Variants in HMCN1 observed in about 807,000 individuals in gnomAD.
The protein encoded by HMCN1 is hemicentin 1.
HMCN1 carries 321 observed loss-of-function variants against 625.9 expected under a neutral mutation model. That is an observed-to-expected ratio of 0.51 (90% CI 0.47 to 0.56). The LOEUF (loss-of-function observed/expected upper bound fraction) is 0.56, where lower values mean the gene tolerates loss of function less well. Among genes scored for constraint, HMCN1 ranks in the 20% least tolerant of loss-of-function variants. HMCN1 has a pLI of 0.00. For missense variants in HMCN1, 6,588 were observed against 6,887.3 expected (o/e 0.96, Z 1.54); for synonymous variants, 2,425 against 2,417.6 (o/e 1.00, Z -0.09).
rs1311548491 is a variant in HMCN1, at chr1:186,007,246, G to A, written c.4594G>A (p.Gly1532Ser). The change falls in exon 30 of 107, where the codon GGC becomes AGC. Residue 1532 changes from glycine to serine, a missense_variant. Around this residue, in one of 3 missense-constraint regions of HMCN1, gnomAD observed 4,628 missense variants for 4,853.1 expected, o/e 0.95. Transcript: ENST00000271588. ...RYQCTVSNAA[G>S]KQAKDIKLTI... Reference sequence around the variant, plus strand: ...CCAATGTACTGTGTCTAATGCAGCTGGCAAACAAGCCAAGGATATAAAACT... The same window carrying A: ...CCAATGTACTGTGTCTAATGCAGCTAGCAAACAAGCCAAGGATATAAAACT... 6 of 1,613,726 alleles carry A rather than the reference G, an allele frequency of 3.7e-6. No homozygotes were observed. The highest frequency in any genetic ancestry group is 5.1e-6 in the Non-Finnish European group (6 of 1,179,758).
At position 185,993,192 on chromosome 1, in the gene HMCN1, C is replaced by T. The variant is rs1351931704; in HGVS notation, c.3388C>T (p.Leu1130Phe). 4 of 1,612,230 alleles carry T rather than the reference C, an allele frequency of 2.5e-6. No homozygotes were observed. Among genetic ancestry groups the T allele is most frequent in the East Asian group, 4.5e-5 (2 of 44,816 alleles). Residue 1130 changes from leucine (L) to phenylalanine (F), a missense_variant, in exon 23 of 107, where the codon CTC (leucine) becomes TTC (phenylalanine). Around this residue, in one of 3 missense-constraint regions of HMCN1, gnomAD observed 4,628 missense variants for 4,853.1 expected, o/e 0.95. Coordinates refer to ENST00000271588, the MANE Select transcript of HMCN1 (RefSeq NM_031935.3). ...GTTTCTTTCTTTTAGACACACATTC[C>T]TCCCTTCTGGTTCAATGAAGATCAC... ...ISPFSPRHTF[L>F]PSGSMKITET...
At chr1:186,165,196 G>A in intron 98 of HMCN1, 23 bp downstream of exon 98, 2 of 1,600,870 alleles carry the variant, frequency 1.2e-6, no homozygotes, top group South Asian at 2.2e-5. Flanking sequence ...ATAAATAAAG[G>A]GTTTTCTTTT....
At chr1:185,852,448 A>G (rs1201190958) in intron 2 of HMCN1, among the ~76,000 whole-genome samples, 1 of 151,982 alleles carries the variant, frequency 6.6e-6, no homozygotes, top group African/African-American at 2.4e-5. Flanking sequence ...CATCATGGAC[A>G]TAGATATAAT....
At chr1:186,151,584 AT>A in intron 94 of HMCN1, 21 bp from the exon 95 acceptor site, 1 of 1,606,776 alleles carries the variant, frequency 6.2e-7, no homozygotes, top group Non-Finnish European at 8.5e-7. Flanking sequence ...CTATCACCTT[AT>A]TTATCCTTTT....
chr1:185,884,023 AC>A (rs985429272), intron 4 of HMCN1, among the ~76,000 whole-genome samples: 29 of 150,784 alleles, frequency 1.9e-4, no homozygotes, highest in African/African-American at 7.1e-4. Flanking sequence ...GGAGTGGGTT[AC>A]TTGTAGATTT....
chr1:186,112,835 A>G lies in HMCN1; in HGVS notation c.11013A>G (p.Leu3671=). Residue 3671 remains leucine, a synonymous_variant, in exon 72 of 107, where the codon CTA becomes CTG. Coordinates refer to ENST00000271588, the MANE Select transcript of HMCN1 (RefSeq NM_031935.3). ...AGGCAACACCTCGAGTGCGAATCCT[A>G]TCTGGAGGGAGATACTTGCAAATCA... ...RLQATPRVRI[L]SGGRYLQINN... 1 of 1,614,172 alleles carries G rather than the reference A, an allele frequency of 6.2e-7. No individual in the cohort carries two copies.
chr1:185,945,966 C>T (rs1429472018), intron 11 of HMCN1, among the ~76,000 whole-genome samples: 1 of 152,064 alleles, frequency 6.6e-6, no homozygotes, highest in Non-Finnish European at 1.5e-5. Context: ...CAGTTATGCT[C>T]TGGGAGATTT....
At chr1:186,022,932 A>C in intron 35 of HMCN1, 98 bp from the exon 36 acceptor site, 2 of 1,190,204 alleles carry the variant, frequency 1.7e-6, no homozygotes, top group Non-Finnish European at 2.5e-6. Flanking sequence ...AAATATTGTT[A>C]GATATTATAA....
At position 186,048,726 on chromosome 1, in the gene HMCN1, G is replaced by A; in HGVS notation, c.6481-17G>A. 6.8e-7 allele frequency: 1 copy of A among 1,477,464 alleles called. No homozygotes were observed. Among genetic ancestry groups the A allele is most frequent in the Non-Finnish European group, 9.5e-7 (1 of 1,056,228 alleles). The allele number at this position is 1,477,464 out of a possible 1,614,324, so 91.5% of individuals were successfully genotyped here. A position where few individuals can be genotyped will look rare whatever the true frequency, so the allele number is the denominator to read the frequency against. On this transcript the variant is annotated splice_polypyrimidine_tract_variant and intron_variant, in intron 41 of 106. Coordinates refer to ENST00000271588, the MANE Select transcript of HMCN1 (RefSeq NM_031935.3). ...TGAAATAGAAAGTGTGATTTCAAAG[G>A]ATGATTTTGTTTTCAGATTGAAGAT...
intron 81 of HMCN1, among the ~76,000 whole-genome samples, chr1:186,124,660 TTAAC>T (rs1661561027): frequency 1.3e-5 from 2 of 152,032 alleles, no homozygotes; most frequent in African/African-American, 4.8e-5. Flanking sequence ...GGACAAAAAA[TTAAC>T]TATTTTAATC....
intron 57 of HMCN1, among the ~76,000 whole-genome samples, chr1:186,083,571 C>G (rs1253111937): frequency 6.7e-6 from 1 of 150,092 alleles, no homozygotes; most frequent in Non-Finnish European, 1.5e-5. Flanking sequence ...GATGCTGGTG[C>G]CTCCAGAATA....
At position 186,145,454 on chromosome 1, in the gene HMCN1, G is replaced by A. The variant is rs773474305; in HGVS notation, c.14318G>A (p.Cys4773Tyr). 3.7e-5 allele frequency: 59 copies of A among 1,607,014 alleles called. No homozygotes were observed. The South Asian group carries it at 6.4e-4, about 18-fold the overall frequency. Residue 4773 changes from cysteine to tyrosine, a missense_variant, in exon 92 of 107, where the codon TGT becomes TAT. Cys to Tyr is a radical substitution (Grantham distance 194). Coordinates refer to ENST00000271588, the MANE Select transcript of HMCN1 (RefSeq NM_031935.3). Reference sequence around the variant, plus strand: ...GGCTGGGGAACATGCAGCCGGACGTGTAACGGAGGGCAGATGCGGCGGTAC... The same window carrying A: ...GGCTGGGGAACATGCAGCCGGACGTATAACGGAGGGCAGATGCGGCGGTAC... The part of the protein sequence containing the change: ...WSGWGTCSRT[C>Y]NGGQMRRYRT...
chr1:186,089,650 A>G (rs137883840), intron 63 of HMCN1, among the ~76,000 whole-genome samples: 166 of 152,122 alleles, frequency 1.1e-3, no homozygotes, highest in Non-Finnish European at 1.9e-3. Context: ...ATCATGAGAT[A>G]TGTTGTAGGA....
In HMCN1 at chr1:185,788,185, T is replaced by C. The variant is rs571414856; in HGVS notation, c.268+53138T>C. ...AAATACTTCAAGGATTATTTGAAAG[T>C]TCTGGCATTTCTCTTATGCCAGTGC... On this transcript the variant is annotated intron_variant, in intron 1 of 106. Transcript: ENST00000271588. 2.6e-5 allele frequency among the ~76,000 whole-genome samples: 4 copies of C among 152,374 alleles called. No homozygotes were observed. In the East Asian group the frequency reaches 7.7e-4, roughly 29 times the overall value.
At chr1:186,101,159 A>T (rs1006488732) in intron 68 of HMCN1, among the ~76,000 whole-genome samples, 2 of 151,964 alleles carry the variant, frequency 1.3e-5, no homozygotes. Context: ...ACCTACAACT[A>T]GGAAGAAAAA....
At chr1:185,954,158 G>A (rs1019180311) in intron 11 of HMCN1, among the ~76,000 whole-genome samples, 3 of 151,902 alleles carry the variant, frequency 2.0e-5, no homozygotes, top group Non-Finnish European at 2.9e-5. Flanking sequence ...CCATCTGGGA[G>A]TATATAAGTG....
Position 186,019,409 on chromosome 1 carries a change from T to C in HMCN1, c.5471-132T>C, listed in dbSNP as rs556478058. 766 of 706,052 alleles carry C rather than the reference T, an allele frequency of 1.1e-3. 2 individuals carry two copies. Among genetic ancestry groups the C allele is most frequent in the South Asian group, 1.7e-3 (109 of 62,978 alleles). 43.7% of individuals were successfully genotyped at this position (706,052 alleles called of 1,614,324 possible). ...ATAAATTAAATGCACATGATGAAAG[T>C]ATTTCATTGTTAAAATAGGGATTTG... On this transcript the variant is annotated intron_variant, in intron 34 of 106. Transcript: ENST00000271588.
At chr1:186,065,658 T>C (rs1658063492) in intron 49 of HMCN1, among the ~76,000 whole-genome samples, 1 of 152,158 alleles carries the variant, frequency 6.6e-6, no homozygotes, top group South Asian at 2.1e-4. Context: ...GGGACACAAC[T>C]CTGAATAAGA....
At position 185,818,520 on chromosome 1, in the gene HMCN1, A is replaced by G. The variant is rs544477451; in HGVS notation, c.269-27506A>G. On this transcript the variant is annotated intron_variant, in intron 1 of 106. Coordinates refer to ENST00000271588, the MANE Select transcript of HMCN1 (RefSeq NM_031935.3). ...TTTCTCTTTTAAAATTTGTAATTGT[A>G]TATAATTTTTCAGATGTGAATTGAG... Among the ~76,000 whole-genome samples, 14 of 152,300 alleles carry G rather than the reference A, an allele frequency of 9.2e-5. No homozygotes were observed. The South Asian group carries it at 1.0e-3, about 11-fold the overall frequency.
Sources: allele counts gnomAD v4.1 joint callset (sites outside exome capture counted in the v4.1 genomes callset), GRCh38; gene constraint gnomAD v4.1.1; regional missense constraint gnomAD v4.1.1; transcripts MANE v1.5; gene names NCBI Gene and HGNC (gene_info 2026-07-23, HGNC 2026-07-21).